TMEM132B: variants seen among roughly 807,000 people sequenced by gnomAD.
TMEM132B encodes transmembrane protein 132B.
In TMEM132B, 18 loss-of-function variants were observed where a neutral mutation model predicts 90.8. The ratio of observed to expected loss-of-function variants is 0.20; its 90% CI spans 0.14 to 0.29. The LOEUF is 0.29. Ranked by LOEUF, TMEM132B falls within the 10% of genes least tolerant of loss-of-function variation. The pLI, the probability that TMEM132B is intolerant of heterozygous loss-of-function variation, is 1.00. For synonymous variants in TMEM132B, 504 were observed against 523.3 expected, an observed-to-expected ratio of 0.96 and a Z score of 0.50; for missense variants, 1,096 against 1,326.8, an observed-to-expected ratio of 0.83 and a Z score of 2.70.
Position 125,459,885 on chromosome 12 carries a change from T to A in TMEM132B, c.1106+44208T>A, listed in dbSNP as rs1881391236. On this transcript the variant is annotated intron_variant, in intron 3 of 8. Coordinates refer to ENST00000682704, the MANE Select transcript of TMEM132B (RefSeq NM_001366854.1). The surrounding 1 kb of genome is among the most constrained non-coding windows in gnomAD (Gnocchi z 4.1). ...AGTGGATAAGTCTCATGAGATCTGATGATTTTATAAGGGGTTTCCCCTTTC... is the reference window on the plus strand; with the variant it reads ...AGTGGATAAGTCTCATGAGATCTGAAGATTTTATAAGGGGTTTCCCCTTTC... 6.6e-6 allele frequency among the ~76,000 whole-genome samples: 1 copy of A among 152,190 alleles called. No individual in the cohort carries two copies. Among genetic ancestry groups the A allele is most frequent in the Admixed American group, 6.5e-5 (1 of 15,276 alleles).
At chr12:125,389,548 C>T (rs543564319) in intron 2 of TMEM132B, among the ~76,000 whole-genome samples, 41 of 152,240 alleles carry the variant, frequency 2.7e-4, no homozygotes, top group African/African-American at 8.4e-4. Context: ...CCTAAACTTT[C>T]TGTTCCTCAT....
rs1245316277 is a variant in TMEM132B at position 125,661,189 on chromosome 12, C to A, written c.*6479C>A. The A allele has an allele frequency of 6.6e-6, 1 of 152,244 alleles. No homozygotes were observed. Among genetic ancestry groups the A allele is most frequent in the Non-Finnish European group, 1.5e-5 (1 of 68,054 alleles). The allele number at this position is 152,244 out of a possible 1,614,324, so 9.4% of individuals were successfully genotyped here. A position where few individuals can be genotyped will look rare whatever the true frequency, so the allele number is the denominator to read the frequency against. ...AAATAACAGAATGCCAGTGTCAACA[C>A]TGACCATATGATATAGTTATTTCAC... On this transcript the variant is annotated 3_prime_UTR_variant, in exon 9 of 9. Coordinates refer to ENST00000682704, the MANE Select transcript of TMEM132B (RefSeq NM_001366854.1).
At chr12:125,639,382 C>G (rs1011873796) in intron 5 of TMEM132B, among the ~76,000 whole-genome samples, 1 of 152,244 alleles carries the variant, frequency 6.6e-6, no homozygotes, top group Non-Finnish European at 1.5e-5. Context: ...TACAGATACA[C>G]ACACTACTGA....
chr12:125,358,429 CT>C (rs1328873772), intron 2 of TMEM132B, among the ~76,000 whole-genome samples: 2 of 152,210 alleles, frequency 1.3e-5, no homozygotes, highest in Non-Finnish European at 2.9e-5. Flanking sequence ...AAATTGCCAG[CT>C]GTCCCACTGG....
intron 1 of TMEM132B, among the ~76,000 whole-genome samples, chr12:125,214,057 A>G (rs943548417): frequency 6.6e-6 from 1 of 152,202 alleles, no homozygotes; most frequent in Non-Finnish European, 1.5e-5. Context: ...AATAATTCCA[A>G]TACAGTGCAA....
At chr12:125,478,220 T>TC (rs1407346642) in intron 3 of TMEM132B, among the ~76,000 whole-genome samples, 1 of 152,142 alleles carries the variant, frequency 6.6e-6, no homozygotes, top group African/African-American at 2.4e-5. Context: ...CTCCAAAGGA[T>TC]CATAGCTTCT....
At chr12:125,314,491 G>T (rs1218635526) in intron 1 of TMEM132B, among the ~76,000 whole-genome samples, 2 of 152,192 alleles carry the variant, frequency 1.3e-5, no homozygotes, top group Admixed American at 6.5e-5. Flanking sequence ...GTGGTGCTGG[G>T]CTTCCTGGGT....
chr12:125,191,726 T>C (rs1872797608), intron 1 of TMEM132B, among the ~76,000 whole-genome samples: 4 of 151,874 alleles, frequency 2.6e-5, no homozygotes, highest in Admixed American at 2.6e-4. Flanking sequence ...CAACTGGGAG[T>C]CCTTTCAGAT....
chr12:125,516,685 C>G (rs1417399435), intron 3 of TMEM132B, among the ~76,000 whole-genome samples: 1 of 152,212 alleles, frequency 6.6e-6, no homozygotes, highest in Non-Finnish European at 1.5e-5. Context: ...GAGTATGAAT[C>G]TAGCAGGATG....
intron 1 of TMEM132B, among the ~76,000 whole-genome samples, chr12:125,207,717 C>T (rs1873214971): frequency 6.6e-6 from 1 of 152,216 alleles, no homozygotes; most frequent in Admixed American, 6.5e-5. Flanking sequence ...AAACCCCATA[C>T]CCATTAATCA....
At chr12:125,294,463 G>T (rs1330217121) in intron 1 of TMEM132B, among the ~76,000 whole-genome samples, 1 of 152,204 alleles carries the variant, frequency 6.6e-6, no homozygotes, top group Non-Finnish European at 1.5e-5. Context: ...GTTCATCACA[G>T]AACTATTTAT....
intron 1 of TMEM132B, among the ~76,000 whole-genome samples, chr12:125,272,799 G>A (rs1312467163): frequency 2.6e-5 from 4 of 152,162 alleles, no homozygotes; most frequent in African/African-American, 4.8e-5. Context: ...GCCTTGCCTG[G>A]CAGGTCATTA....
intron 2 of TMEM132B, among the ~76,000 whole-genome samples, chr12:125,414,007 T>G (rs1203811442): frequency 6.6e-6 from 1 of 152,208 alleles, no homozygotes; most frequent in African/African-American, 2.4e-5. Flanking sequence ...GCACTTAGTA[T>G]CTGTCTTTTT....
At chr12:125,396,187 C>T (rs1177164571) in intron 2 of TMEM132B, among the ~76,000 whole-genome samples, 1 of 152,158 alleles carries the variant, frequency 6.6e-6, no homozygotes, top group Admixed American at 6.6e-5. Context: ...GGATGCTGGG[C>T]AGTTTCCATT....
At chr12:125,617,241 T>A (rs1221421703) in intron 5 of TMEM132B, among the ~76,000 whole-genome samples, 4 of 152,152 alleles carry the variant, frequency 2.6e-5, no homozygotes, top group African/African-American at 9.7e-5. Context: ...TCTATTTCCC[T>A]TCCAATGTGA....
intron 1 of TMEM132B, among the ~76,000 whole-genome samples, chr12:125,302,476 ACT>A (rs953277368): frequency 6.6e-6 from 1 of 152,050 alleles, no homozygotes; most frequent in Non-Finnish European, 1.5e-5. Flanking sequence ...GCTCTAAGCC[ACT>A]GAGTTTTGGG....
intron 3 of TMEM132B, among the ~76,000 whole-genome samples, chr12:125,421,380 A>T (rs1400475196): frequency 1.3e-5 from 2 of 152,172 alleles, no homozygotes; most frequent in African/African-American, 4.8e-5. Context: ...GTGAATGAGG[A>T]GCAAAGTCAC....
chr12:125,477,344 T>C (rs923844578), intron 3 of TMEM132B, among the ~76,000 whole-genome samples: 2 of 152,208 alleles, frequency 1.3e-5, no homozygotes, highest in African/African-American at 4.8e-5. Context: ...AAAGGAGTGA[T>C]ACAGACAGCC....
In TMEM132B at chr12:125,232,566, T is replaced by A. The variant is rs1188120817; in HGVS notation, c.67+45700T>A. Among the ~76,000 whole-genome samples, 5 of 152,218 alleles carry A rather than the reference T, an allele frequency of 3.3e-5. No individual in the cohort carries two copies. The South Asian group carries it at 8.3e-4, about 25-fold the overall frequency. ...TGATTAGTTGAATTATAAATTGGCA[T>A]TAGGAGAAAGTCCTGGGCACAAATA... On this transcript the variant is annotated intron_variant, in intron 1 of 8. Transcript: ENST00000682704.
Sources: gnomAD v4.1 joint callset for allele counts (sites outside exome capture counted in the v4.1 genomes callset) on GRCh38, gnomAD v4.1.1 for gene constraint, Gnocchi (gnomAD v3.1) non-coding constraint, MANE v1.5 for transcripts, NCBI Gene and HGNC (gene_info 2026-07-23, HGNC 2026-07-21) for gene names.